The following SGCZ variants were observed in gnomAD, a reference collection of about 807,000 sequenced individuals.
SGCZ encodes sarcoglycan zeta, also known as zeta-sarcoglycan.
Under a neutral mutation model 41.3 loss-of-function variants are expected in SGCZ, and 40 were observed. That is an observed-to-expected ratio of 0.97 (90% CI 0.75 to 1.26). The LOEUF is 1.26. SGCZ is among the 50% of genes most tolerant of loss of function. SGCZ has a pLI of 0.00. For synonymous variants in SGCZ, 206 were observed against 137.5 expected (o/e 1.50, Z -3.49); for missense variants, 552 against 369.8 (o/e 1.49, Z -4.04).
At chr8:14,714,106 T>C (rs1364661420) in intron 1 of SGCZ, among the ~76,000 whole-genome samples, 1 of 152,122 alleles carries the variant, frequency 6.6e-6, no homozygotes, top group Non-Finnish European at 1.5e-5. Flanking sequence ...TACCTGGGAT[T>C]ACAGGTGCCC....
At chr8:15,108,585 TAA>T (rs1806925140) in intron 1 of SGCZ, among the ~76,000 whole-genome samples, 2 of 152,156 alleles carry the variant, frequency 1.3e-5, no homozygotes, top group Admixed American at 1.3e-4. Context: ...ATTCATAAAA[TAA>T]GAGTTTTTAG....
At chr8:14,709,386 T>C (rs1405247232) in intron 1 of SGCZ, among the ~76,000 whole-genome samples, 1 of 152,210 alleles carries the variant, frequency 6.6e-6, no homozygotes, top group East Asian at 1.9e-4. Context: ...GAAATGCTTA[T>C]TTTGTGTAAT....
At chr8:14,272,496 C>T (rs962469652) in intron 3 of SGCZ, among the ~76,000 whole-genome samples, 1 of 152,142 alleles carries the variant, frequency 6.6e-6, no homozygotes, top group Non-Finnish European at 1.5e-5. Context: ...GGGTGAATGA[C>T]TTAATGTTGG....
In SGCZ at chr8:14,318,486, C is replaced by T. The variant is rs138172322; in HGVS notation, c.336+5617G>A. Among the ~76,000 whole-genome samples the T allele has an allele frequency of 1.4e-3, 215 of 151,974 alleles. 1 individual carries two copies. The highest frequency in any genetic ancestry group is 5.0e-3 in the African/African-American group (209 of 41,520). ...ATCCCTACCCAAACCTAACCCATAT[C>T]TCCAGAAACATATTAATGAAAGTCA... On this transcript the variant is annotated intron_variant, in intron 3 of 7. Transcript: ENST00000382080.
chr8:14,193,855 C>G (rs753711863), intron 4 of SGCZ, among the ~76,000 whole-genome samples: 10 of 151,768 alleles, frequency 6.6e-5, no homozygotes, highest in Non-Finnish European at 1.2e-4. Flanking sequence ...AATAAAGAAA[C>G]TCCTACCTTG....
intron 2 of SGCZ, among the ~76,000 whole-genome samples, chr8:14,416,512 T>C (rs557402882): frequency 5.7e-4 from 87 of 151,932 alleles, no homozygotes; most frequent in Admixed American, 1.1e-3. Context: ...ATTAGCAGAG[T>C]GAAGGCCCCA....
At chr8:14,768,083 C>T (rs949813421) in intron 1 of SGCZ, among the ~76,000 whole-genome samples, 1 of 152,136 alleles carries the variant, frequency 6.6e-6, no homozygotes, top group Non-Finnish European at 1.5e-5. Flanking sequence ...GCATAGTGCA[C>T]TCTATTAAGC....
intron 2 of SGCZ, among the ~76,000 whole-genome samples, chr8:14,375,317 T>C (rs12550757): frequency 0.36 from 54,596 of 151,928 alleles, 10,859 homozygotes; most frequent in African/African-American, 0.54. Flanking sequence ...TAGAAACACA[T>C]TAACAAGGAG....
rs192557355 is a variant in SGCZ at position 15,214,252 on chromosome 8, C to T, written c.39+23333G>A. Among the ~76,000 whole-genome samples, 437 of 151,980 alleles carry T rather than the reference C, an allele frequency of 2.9e-3. 9 individuals carry two copies. The highest frequency in any genetic ancestry group is 1.1e-3 in the Non-Finnish European group (77 of 67,908). The stretch of plus-strand genomic sequence containing the variant: ...TTTAAACAATTACAAAATACTGTCA[C>T]GATAACTAAGCAGAAAGTTTGATTT... On this transcript the variant is annotated intron_variant, in intron 1 of 7. Transcript: ENST00000382080.
intron 1 of SGCZ, among the ~76,000 whole-genome samples, chr8:14,720,313 A>C (rs997603637): frequency 1.3e-5 from 2 of 152,128 alleles, no homozygotes; most frequent in African/African-American, 2.4e-5. Flanking sequence ...GATAAAACTT[A>C]TAAGTAAATT....
At chr8:14,340,468 G>A (rs1802663712) in intron 2 of SGCZ, among the ~76,000 whole-genome samples, 1 of 152,024 alleles carries the variant, frequency 6.6e-6, no homozygotes. Flanking sequence ...ACAGTTCACT[G>A]GTTTGCTGAA....
In SGCZ at chr8:15,046,868, G is replaced by A. The variant is rs571296341; in HGVS notation, c.39+190717C>T. Among the ~76,000 whole-genome samples the A allele has an allele frequency of 3.3e-5, 5 of 152,056 alleles. No individual in the cohort carries two copies. The East Asian group carries it at 7.7e-4, about 23-fold the overall frequency. ...ATTTGTAACTCTCTTCTTTAACAGT[G>A]AGAAAATATGTCTCCTACTATTCTC... On this transcript the variant is annotated intron_variant, in intron 1 of 7. Coordinates refer to ENST00000382080, the MANE Select transcript of SGCZ (RefSeq NM_139167.4).
intron 1 of SGCZ, among the ~76,000 whole-genome samples, chr8:15,231,264 A>G (rs144436445): frequency 3.9e-5 from 6 of 152,186 alleles, no homozygotes; most frequent in Admixed American, 1.3e-4. Flanking sequence ...TCATATGTCA[A>G]CTTGGCATAG....
chr8:15,142,906 A>T (rs1362993962), intron 1 of SGCZ, among the ~76,000 whole-genome samples: 1 of 152,104 alleles, frequency 6.6e-6, no homozygotes, highest in Non-Finnish European at 1.5e-5. Flanking sequence ...CACCGTGCCC[A>T]GCCAAAAATG....
chr8:14,472,020 T>C (rs757664854), intron 2 of SGCZ, among the ~76,000 whole-genome samples: 8 of 152,070 alleles, frequency 5.3e-5, no homozygotes, highest in Non-Finnish European at 8.8e-5. Flanking sequence ...ATAAAATCTT[T>C]TATTATTTCT....
At chr8:14,559,783 A>G (rs1343451996) in intron 1 of SGCZ, among the ~76,000 whole-genome samples, 1 of 152,134 alleles carries the variant, frequency 6.6e-6, no homozygotes, top group East Asian at 1.9e-4. Context: ...AAACGCTGAT[A>G]ACGGTAGATA....
At chr8:15,014,121 G>A (rs759035034) in intron 1 of SGCZ, among the ~76,000 whole-genome samples, 1 of 152,130 alleles carries the variant, frequency 6.6e-6, no homozygotes, top group Non-Finnish European at 1.5e-5. Flanking sequence ...CAGTCCAAAG[G>A]TGAGTGATCT....
At chr8:15,007,636 C>G (rs541260245) in intron 1 of SGCZ, among the ~76,000 whole-genome samples, 72 of 152,112 alleles carry the variant, frequency 4.7e-4, no homozygotes, top group Non-Finnish European at 9.1e-4. Flanking sequence ...AGCTGTAATT[C>G]TATAATTACC....
At chr8:14,747,978 G>A (rs998641787) in intron 1 of SGCZ, among the ~76,000 whole-genome samples, 3 of 149,614 alleles carry the variant, frequency 2.0e-5, no homozygotes, top group Non-Finnish European at 4.4e-5. Context: ...CACCCACCTC[G>A]GCCACAAGGC....
Sources: gnomAD v4.1 joint callset for allele counts (sites outside exome capture counted in the v4.1 genomes callset) on GRCh38, gnomAD v4.1.1 for gene constraint, MANE v1.5 for transcripts, NCBI Gene and HGNC (gene_info 2026-07-23, HGNC 2026-07-21) for gene names.